Variants in SH3KBP1 observed in about 807,000 individuals in gnomAD.
The protein encoded by SH3KBP1 is SH3 domain-containing kinase-binding protein 1.
A neutral mutation model predicts 50.1 loss-of-function variants in SH3KBP1; 8 were observed. The observed-to-expected ratio is 0.16, with a 90% CI of 0.09 to 0.29. SH3KBP1 has a LOEUF of 0.29. Among genes scored for constraint, SH3KBP1 ranks in the 10% least tolerant of loss-of-function variants. SH3KBP1 has a pLI of 1.00. For missense variants in SH3KBP1, 377 were observed against 535.2 expected (o/e 0.70, Z 2.92); for synonymous variants, 227 against 218.6 (o/e 1.04, Z -0.34).
intron 8 of SH3KBP1, among the ~76,000 whole-genome samples, chrX:19,627,518 T>C (rs2068058252): frequency 8.9e-6 from 1 of 112,580 alleles, no homozygotes; most frequent in African/African-American, 3.2e-5. Context: ...TAAACACAGG[T>C]GTGTTCTGCA....
intron 9 of SH3KBP1, among the ~76,000 whole-genome samples, chrX:19,600,680 C>T (rs967189460): frequency 9.0e-6 from 1 of 111,463 alleles, no homozygotes; most frequent in Non-Finnish European, 1.9e-5. Context: ...TAACCAGCTC[C>T]TATAGGTGCA....
At chrX:19,743,461 A>G (rs191785723) in intron 3 of SH3KBP1, among the ~76,000 whole-genome samples, 1,417 of 110,903 alleles carry the variant, frequency 0.013, 14 homozygotes, top group Non-Finnish European at 0.02. Flanking sequence ...GAAAGAAAGA[A>G]AAAAAAAGCC....
chrX:19,759,957 G>A (rs1191162820), intron 2 of SH3KBP1, among the ~76,000 whole-genome samples: 1 of 108,723 alleles, frequency 9.2e-6, no homozygotes, highest in Non-Finnish European at 1.9e-5. Flanking sequence ...ATCATAGGCA[G>A]GGCATTTTAA....
chrX:19,823,613 T>C (rs964690474), intron 2 of SH3KBP1, among the ~76,000 whole-genome samples: 4 of 112,039 alleles, frequency 3.6e-5, no homozygotes, highest in African/African-American at 1.3e-4. Context: ...CCCACCTGGA[T>C]CACCTCCCTG....
chrX:19,595,867 G>A (rs1245263972), intron 9 of SH3KBP1, among the ~76,000 whole-genome samples: 2 of 111,723 alleles, frequency 1.8e-5, no homozygotes, highest in South Asian at 3.7e-4. Flanking sequence ...ATATGTGTGC[G>A]CACACGTGTG....
chrX:19,862,916 T>C (rs971941466), intron 1 of SH3KBP1, among the ~76,000 whole-genome samples: 1 of 112,082 alleles, frequency 8.9e-6, no homozygotes, highest in African/African-American at 3.3e-5. Context: ...AGTGGCCCTC[T>C]GCTCTAGGAA....
intron 17 of SH3KBP1, among the ~76,000 whole-genome samples, chrX:19,537,463 GAAA>G (rs367732402): frequency 1.5e-5 from 1 of 66,766 alleles, no homozygotes. Context: ...GTCTCAAAAA[GAAA>G]AAAAAAAAAA....
intron 3 of SH3KBP1, among the ~76,000 whole-genome samples, chrX:19,708,694 A>G (rs762200522): frequency 1.8e-5 from 2 of 111,773 alleles, no homozygotes; most frequent in East Asian, 5.6e-4. Context: ...TTGGCATCCC[A>G]CTCCTGACCC....
intron 1 of SH3KBP1, among the ~76,000 whole-genome samples, chrX:19,857,359 A>G (rs770716306): frequency 1.8e-5 from 2 of 110,685 alleles, no homozygotes; most frequent in South Asian, 3.9e-4. Flanking sequence ...GACAGCAAAC[A>G]TGGTAAATCA....
intron 6 of SH3KBP1, among the ~76,000 whole-genome samples, chrX:19,668,971 TATA>T (rs1569405112): frequency 5.3e-3 from 294 of 55,871 alleles, no homozygotes; most frequent in African/African-American, 9.0e-3. Context: ...TATATATATA[TATA>T]TTTTTTGAGA....
At chrX:19,600,095 CAAAAAAAAA>C (rs1218369399) in intron 9 of SH3KBP1, among the ~76,000 whole-genome samples, 2 of 27,420 alleles carry the variant, frequency 7.3e-5, no homozygotes, top group African/African-American at 1.4e-4. Context: ...GACTCCGTCT[CAAAAAAAAA>C]AAAAAAAAAA....
At chrX:19,746,487 T>C (rs760658292) in intron 2 of SH3KBP1, 46 bp from the exon 3 acceptor site, 16 of 1,134,663 alleles carry the variant, frequency 1.4e-5, no homozygotes, top group Admixed American at 1.1e-4. Flanking sequence ...TTTGAAACTT[T>C]AGAATGCCTC....
chrX:19,859,582 A>T (rs746985692), intron 1 of SH3KBP1, among the ~76,000 whole-genome samples: 1 of 112,211 alleles, frequency 8.9e-6, no homozygotes, highest in East Asian at 2.8e-4. Flanking sequence ...CTTAATTTTC[A>T]ACCCAACCCA....
chrX:19,867,121 T>C (rs1381679270), intron 1 of SH3KBP1, among the ~76,000 whole-genome samples: 2 of 111,895 alleles, frequency 1.8e-5, no homozygotes, highest in African/African-American at 3.3e-5. Context: ...GTGCCAGGCA[T>C]AGTGATACCG....
chrX:19,593,346 CCTTTA>C (rs2066804307), intron 10 of SH3KBP1, among the ~76,000 whole-genome samples: 1 of 111,738 alleles, frequency 8.9e-6, no homozygotes, highest in African/African-American at 3.3e-5. Flanking sequence ...CCAAACACAT[CCTTTA>C]CTTAATTCCT....
At chrX:19,596,094 G>A (rs192828237) in intron 9 of SH3KBP1, among the ~76,000 whole-genome samples, 71 of 110,996 alleles carry the variant, frequency 6.4e-4, no homozygotes, top group African/African-American at 2.3e-3. Context: ...CTTCTCTGTC[G>A]TTGTGTTAAT....
At chrX:19,601,229 T>G (rs1410340449) in intron 9 of SH3KBP1, among the ~76,000 whole-genome samples, 2 of 111,319 alleles carry the variant, frequency 1.8e-5, no homozygotes, top group Non-Finnish European at 3.8e-5. Context: ...GATTTTTACC[T>G]TTACATTACC....
chrX:19,864,245 T>C (rs998044635), intron 1 of SH3KBP1, among the ~76,000 whole-genome samples: 3 of 111,361 alleles, frequency 2.7e-5, no homozygotes, highest in African/African-American at 6.5e-5. Flanking sequence ...ACCAAAATGA[T>C]TGCCCCTTTG....
chrX:19,765,663 CT>C (rs2065583256), intron 2 of SH3KBP1, among the ~76,000 whole-genome samples: 2 of 111,964 alleles, frequency 1.8e-5, no homozygotes, highest in Non-Finnish European at 3.8e-5. Flanking sequence ...CATCAGATTT[CT>C]TTTCCTCTTG....
Sources: allele counts gnomAD v4.1 joint callset (sites outside exome capture counted in the v4.1 genomes callset), GRCh38; gene constraint gnomAD v4.1.1; transcripts MANE v1.5; gene names NCBI Gene and HGNC (gene_info 2026-07-23, HGNC 2026-07-21).